The following MEGF11 variants were observed in gnomAD, a reference collection of about 807,000 sequenced individuals.
The protein encoded by MEGF11 is multiple epidermal growth factor-like domains protein 11.
In MEGF11, 126 loss-of-function variants were observed where a neutral mutation model predicts 146.6. The observed-to-expected ratio is 0.86, with a 90% confidence interval of 0.74 to 1.00. The LOEUF (loss-of-function observed/expected upper bound fraction) is 1.00. Ranked by LOEUF, MEGF11 falls within the 50% of genes least tolerant of loss-of-function variation. MEGF11 has a pLI of 0.00. For synonymous variants in MEGF11, 532 were observed against 583.4 expected, an observed-to-expected ratio of 0.91 and a Z score of 1.27; for missense variants, 1,509 against 1,521.2, an observed-to-expected ratio of 0.99 and a Z score of 0.13.
chr15:65,930,993 T>C, intron 10 of MEGF11, 50 bp from the exon 11 acceptor site: 1 of 1,490,652 alleles, frequency 6.7e-7, no homozygotes. Flanking sequence ...CCATGTTGGA[T>C]GGCTGTGGTA....
At chr15:65,987,405 C>T (rs1324075759) in intron 5 of MEGF11, among the ~76,000 whole-genome samples, 2 of 152,084 alleles carry the variant, frequency 1.3e-5, no homozygotes, top group Admixed American at 6.5e-5. Flanking sequence ...GAATGGTGGG[C>T]GTAGGTCCTA....
At chr15:65,930,649 A>G (rs941145477) in intron 11 of MEGF11, among the ~76,000 whole-genome samples, 174 bp downstream of exon 11, 1 of 152,134 alleles carries the variant, frequency 6.6e-6, no homozygotes, top group Non-Finnish European at 1.5e-5. Flanking sequence ...CATTCCTGCT[A>G]TTGAAATTCC....
At chr15:65,943,449 T>A (rs1019505622) in intron 10 of MEGF11, among the ~76,000 whole-genome samples, 1 of 151,872 alleles carries the variant, frequency 6.6e-6, no homozygotes, top group Non-Finnish European at 1.5e-5. Context: ...CTGCAGGCTG[T>A]TTTGGTGAGC....
chr15:66,249,816 G>A (rs1191749256), intron 1 of MEGF11, among the ~76,000 whole-genome samples: 1 of 152,200 alleles, frequency 6.6e-6, no homozygotes, highest in Non-Finnish European at 1.5e-5. Flanking sequence ...CAGAAACTTG[G>A]GAGTGTGGCC....
intron 1 of MEGF11, among the ~76,000 whole-genome samples, chr15:66,235,063 T>G (rs2092059799): frequency 2.6e-5 from 4 of 152,226 alleles, no homozygotes. Context: ...GGCGCCACGC[T>G]TTCCCTGAAA....
chr15:66,010,919 T>TC (rs2082691093), intron 5 of MEGF11, among the ~76,000 whole-genome samples: 3 of 130,508 alleles, frequency 2.3e-5, no homozygotes, highest in Non-Finnish European at 5.2e-5. Context: ...GGGAAGCCAT[T>TC]GGGTGTGGCA....
At chr15:66,028,063 CAG>C (rs1374239743) in intron 5 of MEGF11, among the ~76,000 whole-genome samples, 2 of 152,216 alleles carry the variant, frequency 1.3e-5, no homozygotes, top group African/African-American at 4.8e-5. Flanking sequence ...AGCTTCCTCC[CAG>C]AGTCCCCTGT....
chr15:65,911,297 C>T (rs2078796473), intron 21 of MEGF11, among the ~76,000 whole-genome samples: 1 of 152,194 alleles, frequency 6.6e-6, no homozygotes, highest in Admixed American at 6.5e-5. Flanking sequence ...TGGATAGGTT[C>T]AGATAAAAGA....
At chr15:66,176,213 T>A (rs1303094320) in intron 1 of MEGF11, among the ~76,000 whole-genome samples, 1 of 152,192 alleles carries the variant, frequency 6.6e-6, no homozygotes, top group Non-Finnish European at 1.5e-5. Flanking sequence ...TGGGTGGGAA[T>A]GTAAATGATG....
At chr15:65,992,923 C>G (rs367987007) in intron 5 of MEGF11, among the ~76,000 whole-genome samples, 4 of 152,224 alleles carry the variant, frequency 2.6e-5, no homozygotes, top group South Asian at 4.1e-4. Flanking sequence ...CATTGAGGAC[C>G]CAGGAGGCAC....
chr15:66,187,849 T>A (rs1369473860), intron 1 of MEGF11, among the ~76,000 whole-genome samples: 1 of 152,230 alleles, frequency 6.6e-6, no homozygotes, highest in Non-Finnish European at 1.5e-5. Flanking sequence ...CCTGTATCAA[T>A]GTGAACTCCA....
intron 1 of MEGF11, among the ~76,000 whole-genome samples, chr15:66,175,208 C>G (rs1273923637): frequency 6.6e-6 from 1 of 152,108 alleles, no homozygotes; most frequent in East Asian, 1.9e-4. Context: ...TTGCCTATCT[C>G]TAGCTAGGAT....
intron 5 of MEGF11, among the ~76,000 whole-genome samples, chr15:65,997,808 G>A (rs2082246262): frequency 6.6e-6 from 1 of 152,200 alleles, no homozygotes; most frequent in Admixed American, 6.5e-5. Context: ...GTATGGAGGT[G>A]TAAACAAGAG....
chr15:66,176,855 A>G (rs562605496), intron 1 of MEGF11, among the ~76,000 whole-genome samples: 1 of 152,022 alleles, frequency 6.6e-6, no homozygotes, highest in African/African-American at 2.4e-5. Context: ...TCAGCCACCT[A>G]CCAGATCCTG....
At chr15:66,103,252 T>G (rs2086905579) in intron 4 of MEGF11, among the ~76,000 whole-genome samples, 1 of 152,224 alleles carries the variant, frequency 6.6e-6, no homozygotes, top group African/African-American at 2.4e-5. Flanking sequence ...AAGCTTCCAG[T>G]GCAGCCTTGG....
chr15:65,959,958 A>G (rs2080799828), intron 9 of MEGF11, among the ~76,000 whole-genome samples: 1 of 152,230 alleles, frequency 6.6e-6, no homozygotes. Flanking sequence ...GGCATTGGTT[A>G]AATGAATTAT....
intron 5 of MEGF11, among the ~76,000 whole-genome samples, chr15:65,995,896 G>C (rs1176379886): frequency 2.0e-5 from 3 of 152,208 alleles, no homozygotes; most frequent in Non-Finnish European, 4.4e-5. Flanking sequence ...GTGAAGCACT[G>C]TCTGAGTGCT....
rs2080699465 is a variant in MEGF11 at position 65,957,538 on chromosome 15, C to A, written c.1287+9G>T. ...TCAGGAAGGCCACGGGAGGCCCCTC[C>A]CATCTTACCATGAAGCCCGGAGCAC... On this transcript the variant is annotated intron_variant, in intron 10 of 25. Coordinates refer to ENST00000395614, the MANE Select transcript of MEGF11 (RefSeq NM_001385028.1). 1.2e-6 allele frequency: 2 copies of A among 1,611,620 alleles called. No homozygotes were observed. Among genetic ancestry groups the A allele is most frequent in the Non-Finnish European group, 1.7e-6 (2 of 1,179,014 alleles).
chr15:66,229,014 C>T (rs897214603), intron 1 of MEGF11, among the ~76,000 whole-genome samples: 5 of 152,158 alleles, frequency 3.3e-5, no homozygotes, highest in African/African-American at 4.8e-5. Flanking sequence ...CAGGGTGCTG[C>T]ACTACCCTTT....
Sources: allele counts gnomAD v4.1 joint callset (sites outside exome capture counted in the v4.1 genomes callset), GRCh38; gene constraint gnomAD v4.1.1; transcripts MANE v1.5; gene names NCBI Gene and HGNC (gene_info 2026-07-23, HGNC 2026-07-21).